Variants in KLHL32 observed in about 807,000 individuals in gnomAD.
The protein encoded by KLHL32 is kelch-like protein 32.
A neutral mutation model predicts 64.8 loss-of-function variants in KLHL32; 35 were observed. That is an observed-to-expected ratio of 0.54 (90% CI 0.41 to 0.72). KLHL32 has a LOEUF of 0.72. KLHL32 is among the 30% of genes least tolerant of loss of function. The pLI is 0.00. For synonymous variants in KLHL32, 259 were observed against 281.0 expected (o/e 0.92, Z 0.78); for missense variants, 589 against 768.5 (o/e 0.77, Z 2.76).
chr6:97,063,523 A>G (rs1395641616), intron 4 of KLHL32, among the ~76,000 whole-genome samples: 1 of 152,176 alleles, frequency 6.6e-6, no homozygotes, highest in Admixed American at 6.5e-5. Context: ...TTTGGTGGTA[A>G]GAGGTTTTCA....
chr6:96,953,852 GT>G (rs1772933060), intron 1 of KLHL32, among the ~76,000 whole-genome samples: 2 of 110,430 alleles, frequency 1.8e-5, no homozygotes, highest in African/African-American at 7.7e-5. Context: ...ATTAATAGTT[GT>G]CTTTTTTTTT....
rs571081602 is a variant in KLHL32 at position 96,988,205 on chromosome 6, C to G, written c.204+12028C>G. Among the ~76,000 whole-genome samples, 5 of 152,334 alleles carry G rather than the reference C, an allele frequency of 3.3e-5. No homozygotes were observed. In the East Asian group the frequency reaches 9.6e-4, roughly 29 times the overall value. Reference sequence around the variant, plus strand: ...GAGAAAATTTGTGCAATCTACTCATCTGATAAAGGGCTAATATCCAGAATC... The same window carrying G: ...GAGAAAATTTGTGCAATCTACTCATGTGATAAAGGGCTAATATCCAGAATC... On this transcript the variant is annotated intron_variant, in intron 3 of 10. Transcript: ENST00000369261.
chr6:96,950,474 G>C (rs2128009616), intron 1 of KLHL32, among the ~76,000 whole-genome samples: 1 of 151,116 alleles, frequency 6.6e-6, no homozygotes, highest in East Asian at 1.9e-4. Context: ...TATGCTCTAA[G>C]TGATAGCTTT....
At position 97,130,798 on chromosome 6, in the gene KLHL32, C is replaced by T. The variant is rs759821796; in HGVS notation, c.1455C>T (p.Val485=). The part of the protein sequence containing the change: ...ISRSPMLQRR[V]YHSMAAVQRK... ...GTAGCCCCATGCTGCAGAGAAGGGTCTACCATTCCATGGCTGCTGTACAAA... is the reference window on the plus strand; with the variant it reads ...GTAGCCCCATGCTGCAGAGAAGGGTTTACCATTCCATGGCTGCTGTACAAA... The change falls in exon 9 of 11, where the codon GTC becomes GTT. Residue 485 remains valine (V), a synonymous_variant. Coordinates refer to ENST00000369261, the MANE Select transcript of KLHL32 (RefSeq NM_052904.4). 8.1e-6 allele frequency: 13 copies of T among 1,614,042 alleles called. No individual in the cohort carries two copies. The highest frequency in any genetic ancestry group is 1.1e-5 in the Non-Finnish European group (13 of 1,179,950).
chr6:97,086,274 C>T (rs1451348092), intron 6 of KLHL32, among the ~76,000 whole-genome samples: 1 of 152,164 alleles, frequency 6.6e-6, no homozygotes, highest in Non-Finnish European at 1.5e-5. Flanking sequence ...TAATTCTGGC[C>T]AAAATTGTCA....
rs116009895 is a variant in KLHL32, at chr6:96,978,497, G to A, written c.204+2320G>A. ...TCTCATTCTTTTTTATGACTGTGTA[G>A]TATTCCACAATATATACATACCACA... On this transcript the variant is annotated intron_variant, in intron 3 of 10. Transcript: ENST00000369261. 3.7e-3 allele frequency among the ~76,000 whole-genome samples: 557 copies of A among 152,038 alleles called. 3 individuals are homozygous for A. The highest frequency in any genetic ancestry group is 0.013 in the African/African-American group (529 of 41,538).
At chr6:96,922,854 A>G (rs1392652501), upstream of KLHL32, among the ~76,000 whole-genome samples, 2 of 152,232 alleles carry the variant, frequency 1.3e-5, no homozygotes, top group African/African-American at 4.8e-5. Flanking sequence ...TTTTAGAGAA[A>G]TAAAATACTT....
chr6:97,055,809 A>AAC, intron 4 of KLHL32, among the ~76,000 whole-genome samples: 1 of 149,870 alleles, frequency 6.7e-6, no homozygotes, highest in African/African-American at 2.4e-5. Flanking sequence ...AAAAAAAAAA[A>AAC]AAAAAAAAAA....
chr6:97,089,066 A>G (rs1235127050), intron 6 of KLHL32, among the ~76,000 whole-genome samples: 1 of 152,246 alleles, frequency 6.6e-6, no homozygotes, highest in Non-Finnish European at 1.5e-5. Flanking sequence ...TGTACTGAGC[A>G]CCTACTAAAT....
intron 5 of KLHL32, among the ~76,000 whole-genome samples, chr6:97,069,716 T>A (rs1165728401): frequency 6.6e-6 from 1 of 152,140 alleles, no homozygotes; most frequent in African/African-American, 2.4e-5. Flanking sequence ...AATTTTTCTC[T>A]GCTTTTTAAA....
intron 3 of KLHL32, among the ~76,000 whole-genome samples, chr6:96,997,722 C>G (rs1778566455): frequency 6.6e-6 from 1 of 152,046 alleles, no homozygotes; most frequent in Non-Finnish European, 1.5e-5. Flanking sequence ...GCACAAAATA[C>G]ATGAACAGTC....
chr6:97,093,907 T>G (rs987725398), intron 6 of KLHL32, among the ~76,000 whole-genome samples: 10 of 152,180 alleles, frequency 6.6e-5, no homozygotes, highest in Admixed American at 6.5e-4. Flanking sequence ...TTATTTCTGT[T>G]GCAGTGACAC....
At chr6:97,003,819 C>G (rs565332520) in intron 3 of KLHL32, among the ~76,000 whole-genome samples, 81 of 152,232 alleles carry the variant, frequency 5.3e-4, no homozygotes, top group African/African-American at 1.9e-3. Context: ...GGCTTTATTT[C>G]TGGTTCTCTA....
intron 3 of KLHL32, among the ~76,000 whole-genome samples, chr6:97,027,254 T>C (rs771515361): frequency 3.3e-5 from 5 of 152,096 alleles, no homozygotes; most frequent in Non-Finnish European, 7.4e-5. Context: ...TTAGTACTTG[T>C]CTGCTCCTGG....
chr6:96,970,902 T>A (rs907027710), intron 2 of KLHL32, among the ~76,000 whole-genome samples: 49 of 152,332 alleles, frequency 3.2e-4, no homozygotes, highest in African/African-American at 1.2e-3. Flanking sequence ...ATATAATTTT[T>A]AAAATATTAA....
At chr6:96,987,471 G>A (rs535107186) in intron 3 of KLHL32, among the ~76,000 whole-genome samples, 1 of 152,256 alleles carries the variant, frequency 6.6e-6, no homozygotes, top group Non-Finnish European at 1.5e-5. Context: ...ACAAATGGAA[G>A]AACATTCCAT....
rs147552047 is a variant in KLHL32, at chr6:97,105,512, G to A, written c.628-8271G>A. ...GTGCCCTGGCTTACCTCAATGGGAT[G>A]ACAAGACTGGTAAGGATATGGACAC... On this transcript the variant is annotated intron_variant, in intron 6 of 10. Coordinates refer to ENST00000369261, the MANE Select transcript of KLHL32 (RefSeq NM_052904.4). The A allele has an allele frequency of 1.6e-3, 766 of 471,112 alleles. 6 individuals are homozygous for A. The highest frequency in any genetic ancestry group is 0.013 in the African/African-American group (664 of 50,198). The allele number at this position is 471,112 out of a possible 1,614,324, so 29.2% of individuals were successfully genotyped here. A position where few individuals can be genotyped will look rare whatever the true frequency, so the allele number is the denominator to read the frequency against.
intron 3 of KLHL32, 113 bp downstream of exon 3, chr6:96,976,290 G>A (rs1425474950): frequency 7.2e-6 from 7 of 970,790 alleles, no homozygotes; most frequent in South Asian, 2.0e-5. Flanking sequence ...GAGCTGAATG[G>A]TGGGGGCCTT....
chr6:96,943,183 TACAC>T (rs1429984936), intron 1 of KLHL32, among the ~76,000 whole-genome samples: 1 of 151,912 alleles, frequency 6.6e-6, no homozygotes, highest in Non-Finnish European at 1.5e-5. Flanking sequence ...TGCCTATACA[TACAC>T]ACATACATTC....
Sources: gnomAD v4.1 joint callset for allele counts (sites outside exome capture counted in the v4.1 genomes callset) on GRCh38, gnomAD v4.1.1 for gene constraint, MANE v1.5 for transcripts, NCBI Gene and HGNC (gene_info 2026-07-23, HGNC 2026-07-21) for gene names.